FABP6: variants seen among roughly 807,000 people sequenced by gnomAD.
FABP6 encodes the protein gastrotropin.
FABP6 carries 13 observed loss-of-function variants against 14.9 expected under a neutral mutation model. That is an observed-to-expected ratio of 0.87 (90% CI 0.57 to 1.39). The LOEUF (loss-of-function observed/expected upper bound fraction) is 1.39, where lower values mean the gene tolerates loss of function less well. Among genes scored for constraint, FABP6 ranks in the 40% most tolerant of loss-of-function variants. The pLI is 0.00. For synonymous variants in FABP6, 75 were observed against 63.6 expected (o/e 1.18, Z -0.85); for missense variants, 161 against 167.2 (o/e 0.96, Z 0.20).
chr5:160,227,663 C>T (rs191802697), upstream of FABP6, among the ~76,000 whole-genome samples: 152 of 151,034 alleles, frequency 1.0e-3, no homozygotes, highest in Admixed American at 1.8e-3. Context: ...CCAGCCTGGG[C>T]GACAAAGAGA....
chr5:160,224,833 A>C (rs868090249), upstream of FABP6, among the ~76,000 whole-genome samples: 1 of 149,878 alleles, frequency 6.7e-6, no homozygotes, highest in Non-Finnish European at 1.5e-5. Flanking sequence ...GCTGGCGTGC[A>C]GTGGCATGAT....
intron 2 of FABP6, among the ~76,000 whole-genome samples, chr5:160,234,364 T>C (rs558023835): frequency 6.7e-6 from 1 of 149,374 alleles, no homozygotes; most frequent in South Asian, 2.1e-4. Flanking sequence ...TTTCATACTT[T>C]CTCTAAGAAA....
intron 1 of FABP6, among the ~76,000 whole-genome samples, chr5:160,194,267 C>T (rs867166504): frequency 6.6e-6 from 1 of 152,232 alleles, no homozygotes; most frequent in Non-Finnish European, 1.5e-5. Context: ...CACGCAGCCC[C>T]AGTTCCTGCT....
intron 2 of FABP6, chr5:160,199,244 A>C: frequency 1.5e-6 from 2 of 1,373,482 alleles, no homozygotes; most frequent in East Asian, 4.6e-5. Flanking sequence ...TGGGTGGGGG[A>C]CTTGCTCGCC....
chr5:160,211,278 G>A (rs560484052), intron 2 of FABP6, among the ~76,000 whole-genome samples: 11 of 152,144 alleles, frequency 7.2e-5, no homozygotes, highest in Non-Finnish European at 1.5e-4. Flanking sequence ...GGGACTGTCA[G>A]TTAAGAGCCT....
At chr5:160,187,768 T>TA (rs1410758250) in intron 1 of FABP6, among the ~76,000 whole-genome samples, 3 of 151,868 alleles carry the variant, frequency 2.0e-5, no homozygotes, top group South Asian at 2.1e-4. Context: ...TTTATTTATT[T>TA]TTTGAGACAG....
intron 1 of FABP6, among the ~76,000 whole-genome samples, chr5:160,192,587 A>C (rs1759418434): frequency 6.6e-6 from 1 of 152,260 alleles, no homozygotes; most frequent in Admixed American, 6.5e-5. Flanking sequence ...CAGCAAACAG[A>C]ATCATCCAAT....
At chr5:160,216,053 G>A (rs1760006014) in intron 3 of FABP6, among the ~76,000 whole-genome samples, 1 of 152,166 alleles carries the variant, frequency 6.6e-6, no homozygotes, top group Non-Finnish European at 1.5e-5. Flanking sequence ...TGGCAGAGTA[G>A]GGATACATCC....
intron 2 of FABP6, among the ~76,000 whole-genome samples, chr5:160,207,769 G>C (rs1759800120): frequency 6.7e-6 from 1 of 149,626 alleles, no homozygotes; most frequent in Non-Finnish European, 1.5e-5. Flanking sequence ...TGTCCCCCAG[G>C]CTGGAGTGCG....
rs1760375813 is a variant in FABP6 at position 160,231,304 on chromosome 5, TA to T, written c.68-791del. 2.0e-5 allele frequency among the ~76,000 whole-genome samples: 3 copies of T among 152,236 alleles called. No homozygotes were observed. The South Asian group carries it at 6.2e-4, about 31-fold the overall frequency. ...TTGGTTCTAGACCTGATTCGGTCATTAAATTTCAGTGAAATACTGGGAAGTC... is the reference window on the plus strand; with the variant it reads ...TTGGTTCTAGACCTGATTCGGTCATTAATTTCAGTGAAATACTGGGAAGTC... On this transcript the variant is annotated intron_variant, in intron 1 of 3. Coordinates refer to ENST00000402432, the MANE Select transcript of FABP6 (RefSeq NM_001445.3).
chr5:160,227,687 GA>G (rs1760279090), upstream of FABP6, among the ~76,000 whole-genome samples: 1 of 151,374 alleles, frequency 6.6e-6, no homozygotes, highest in Admixed American at 6.6e-5. Context: ...CCTGTCTCAG[GA>G]AAAAAGAAAA....
intron 2 of FABP6, among the ~76,000 whole-genome samples, chr5:160,203,628 G>GGGCCA (rs1759694163): frequency 6.6e-6 from 1 of 152,000 alleles, no homozygotes; most frequent in South Asian, 2.1e-4. Flanking sequence ...CACCCAAGTA[G>GGGCCA]CTGGGATTAT....
At chr5:160,212,764 C>T (rs747995378) in intron 2 of FABP6, among the ~76,000 whole-genome samples, 7 of 152,102 alleles carry the variant, frequency 4.6e-5, no homozygotes, top group Non-Finnish European at 7.4e-5. Context: ...CCACCGTGCC[C>T]GGCCACAACT....
At chr5:160,205,887 C>T (rs902945510) in intron 2 of FABP6, among the ~76,000 whole-genome samples, 1 of 152,180 alleles carries the variant, frequency 6.6e-6, no homozygotes, top group Non-Finnish European at 1.5e-5. Context: ...ACTTGAGAGT[C>T]CTCCCTTCCC....
chr5:160,228,719 T>C, upstream of FABP6: 1 of 352,268 alleles, frequency 2.8e-6, no homozygotes, highest in Non-Finnish European at 5.6e-6. Context: ...CATGGGTGGC[T>C]GCTTTACTCT....
intron 3 of FABP6, among the ~76,000 whole-genome samples, chr5:160,214,922 G>A (rs556992466): frequency 7.9e-5 from 12 of 152,274 alleles, no homozygotes; most frequent in Admixed American, 7.2e-4. Context: ...CTAGTGAGGT[G>A]GCTGCCCTGC....
intron 2 of FABP6, among the ~76,000 whole-genome samples, chr5:160,201,907 T>C (rs191672059): frequency 4.3e-4 from 66 of 152,290 alleles, no homozygotes; most frequent in African/African-American, 1.5e-3. Flanking sequence ...GGACTGCAGG[T>C]GCACACCACC....
At chr5:160,237,599 C>T (rs1212570844) in intron 3 of FABP6, among the ~76,000 whole-genome samples, 1 of 152,096 alleles carries the variant, frequency 6.6e-6, no homozygotes, top group Non-Finnish European at 1.5e-5. Context: ...TACACCAAGC[C>T]CCAGCCTCCT....
intron 2 of FABP6, among the ~76,000 whole-genome samples, chr5:160,205,163 G>A (rs900583826): frequency 6.6e-6 from 1 of 151,882 alleles, no homozygotes; most frequent in African/African-American, 2.4e-5. Context: ...CATCTGGCAT[G>A]GGACCCAAGG....
Sources: gnomAD v4.1 joint callset for allele counts (sites outside exome capture counted in the v4.1 genomes callset) on GRCh38, gnomAD v4.1.1 for gene constraint, MANE v1.5 for transcripts, NCBI Gene and HGNC (gene_info 2026-07-23, HGNC 2026-07-21) for gene names.